CCDC57: variants seen among roughly 807,000 people sequenced by gnomAD.
The protein encoded by CCDC57 is coiled-coil domain-containing protein 57.
Under a neutral mutation model 118.9 loss-of-function variants are expected in CCDC57, and 118 were observed. The observed-to-expected ratio is 0.99, with a 90% CI of 0.86 to 1.16. The LOEUF (loss-of-function observed/expected upper bound fraction) is 1.16. Among genes scored for constraint, CCDC57 ranks in the 50% most tolerant of loss-of-function variants. The pLI, the probability that CCDC57 is intolerant of heterozygous loss-of-function variation, is 0.00. For synonymous variants in CCDC57, 527 were observed against 532.9 expected (o/e 0.99, Z 0.15); for missense variants, 1,300 against 1,320.7 (o/e 0.98, Z 0.24).
At chr17:82,206,735 C>G (rs1465472290) in intron 2 of CCDC57, among the ~76,000 whole-genome samples, 4 of 152,230 alleles carry the variant, frequency 2.6e-5, no homozygotes, top group African/African-American at 9.6e-5. Flanking sequence ...GGAACCCCAA[C>G]TTGAAGCCAG....
intron 14 of CCDC57, among the ~76,000 whole-genome samples, chr17:82,160,888 A>T (rs1476209030): frequency 6.6e-6 from 1 of 151,258 alleles, no homozygotes; most frequent in Non-Finnish European, 1.5e-5. Flanking sequence ...AAAAAAAAAA[A>T]AAAAAAAAAA....
At chr17:82,124,152 G>C (rs1390970715) in intron 19 of CCDC57, among the ~76,000 whole-genome samples, 3 of 152,334 alleles carry the variant, frequency 2.0e-5, no homozygotes. Flanking sequence ...ACCCCAGAAA[G>C]AGCAGAGGGC....
chr17:82,161,355 G>A (rs966203472), intron 14 of CCDC57, among the ~76,000 whole-genome samples: 6 of 152,148 alleles, frequency 3.9e-5, no homozygotes, highest in African/African-American at 1.4e-4. Context: ...GCTCCTCAAA[G>A]GGTTCAACAC....
intron 19 of CCDC57, among the ~76,000 whole-genome samples, chr17:82,122,656 G>C (rs993981838): frequency 1.3e-5 from 2 of 152,200 alleles, no homozygotes; most frequent in African/African-American, 4.8e-5. Context: ...CAGCTTGCAG[G>C]CTGGGCAAGT....
chr17:82,108,466 G>A (rs1171214963), intron 19 of CCDC57, among the ~76,000 whole-genome samples: 1 of 152,226 alleles, frequency 6.6e-6, no homozygotes, highest in Non-Finnish European at 1.5e-5. Flanking sequence ...GTGAGTTTCA[G>A]GGCAGGATCT....
At chr17:82,106,874 G>A (rs573139383) in intron 19 of CCDC57, among the ~76,000 whole-genome samples, 84 of 152,306 alleles carry the variant, frequency 5.5e-4, no homozygotes, top group African/African-American at 1.8e-3. Flanking sequence ...GGGCCCATGG[G>A]GCCTTCCCAG....
At chr17:82,157,594 A>G in intron 15 of CCDC57, 154 bp downstream of exon 14, 2 of 1,439,936 alleles carry the variant, frequency 1.4e-6, no homozygotes, top group African/African-American at 1.4e-5. Context: ...GAGGGGGTGG[A>G]GCAGGGCCCA....
intron 15 of CCDC57, chr17:82,156,894 C>T (rs1022943207): frequency 6.6e-6 from 1 of 152,364 alleles, no homozygotes; most frequent in Non-Finnish European, 1.5e-5. Context: ...ATCTGCTCCC[C>T]AAGCACGGTG....
At chr17:82,183,526 T>C (rs750615539) in intron 9 of CCDC57, among the ~76,000 whole-genome samples, 2 of 152,118 alleles carry the variant, frequency 1.3e-5, no homozygotes, top group Non-Finnish European at 2.9e-5. Context: ...AGCACCTTTA[T>C]GGCTCTTATT....
exon 11 of CCDC57, chr17:82,178,556 A>G (rs1165245707): frequency 6.2e-7 from 1 of 1,613,326 alleles, no homozygotes; most frequent in African/African-American, 1.3e-5. Flanking sequence ...CTTCAGCACC[A>G]CCTCCTGCTC....
Position 82,205,372 on chromosome 17 carries a change from G to A in CCDC57, c.-9+2475C>T, listed in dbSNP as rs1038766671. Among the ~76,000 whole-genome samples, 11 of 152,276 alleles carry A rather than the reference G, an allele frequency of 7.2e-5. No individual in the cohort carries two copies. In the South Asian group the frequency reaches 1.9e-3, roughly 26 times the overall value. ...GTCGCAGCCACCCATGGGGGTTGCC[G>A]TTCTGAGAATCTGATCATGCAATCT... On this transcript the variant is annotated intron_variant, in intron 2 of 19. Transcript: ENST00000665763.
At chr17:82,203,728 T>C (rs969666665) in intron 2 of CCDC57, among the ~76,000 whole-genome samples, 5 of 152,082 alleles carry the variant, frequency 3.3e-5, no homozygotes, top group Admixed American at 2.6e-4. Context: ...CCCCCACAAC[T>C]CTTCTCTGGT....
At chr17:82,117,029 A>G (rs149091440) in intron 19 of CCDC57, among the ~76,000 whole-genome samples, 132 of 152,338 alleles carry the variant, frequency 8.7e-4, no homozygotes, top group Middle Eastern at 6.8e-3. Flanking sequence ...TGGCCAATTG[A>G]TAGGAAAAAT....
At chr17:82,163,386 C>T (rs756790068) in intron 13 of CCDC57, 29 bp from the exon 13 acceptor site, 3 of 1,610,384 alleles carry the variant, frequency 1.9e-6, no homozygotes, top group African/African-American at 2.7e-5. Flanking sequence ...TCTGTCAGCT[C>T]ATACCTGAGA....
chr17:82,180,278 T>C (rs751158331), intron 9 of CCDC57, among the ~76,000 whole-genome samples: 16 of 152,058 alleles, frequency 1.1e-4, no homozygotes, highest in Non-Finnish European at 8.8e-5. Flanking sequence ...TGGGTGAGTC[T>C]GGAAGGGACC....
intron 11 of CCDC57, among the ~76,000 whole-genome samples, chr17:82,177,330 C>T (rs2045652064): frequency 6.6e-6 from 1 of 151,994 alleles, no homozygotes; most frequent in African/African-American, 2.4e-5. Flanking sequence ...GAGCAGAGAT[C>T]ACACCACTGC....
At chr17:82,174,142 C>G (rs921544626) in intron 11 of CCDC57, among the ~76,000 whole-genome samples, 1 of 152,374 alleles carries the variant, frequency 6.6e-6, no homozygotes, top group African/African-American at 2.4e-5. Context: ...GGACGCAGAG[C>G]CTGCTCCCTA....
At chr17:82,161,145 C>A (rs565956236) in intron 14 of CCDC57, among the ~76,000 whole-genome samples, 1 of 152,254 alleles carries the variant, frequency 6.6e-6, no homozygotes, top group Non-Finnish European at 1.5e-5. Context: ...CAAATCAAAA[C>A]CACAGCGAGG....
In CCDC57 at chr17:82,212,129, T is replaced by C. The variant is rs1005794541; in HGVS notation, c.-211+656A>G. ...TCGCTGGCAATACAGGACTCCTGAG[T>C]AGTCTCAGAGTGTGGCGTTCTCTCT... On this transcript the variant is annotated intron_variant, in intron 1 of 19. Coordinates refer to ENST00000665763, the Ensembl canonical transcript of CCDC57. This position sits in a 1 kb window ranked among gnomAD's most constrained non-coding sequence, Gnocchi z 4.1. Among the ~76,000 whole-genome samples the C allele has an allele frequency of 6.6e-6, 1 of 152,182 alleles. No homozygotes were observed. Among genetic ancestry groups the C allele is most frequent in the Non-Finnish European group, 1.5e-5 (1 of 68,024 alleles).
Sources: gnomAD v4.1 joint callset for allele counts (sites outside exome capture counted in the v4.1 genomes callset) on GRCh38, gnomAD v4.1.1 for gene constraint, Gnocchi (gnomAD v3.1) non-coding constraint, MANE v1.5 for transcripts, NCBI Gene and HGNC (gene_info 2026-07-23, HGNC 2026-07-21) for gene names.